The following RNF150 variants were observed in gnomAD, a reference collection of about 807,000 sequenced individuals.
The protein encoded by RNF150 is ring finger protein 150.
In RNF150, 24 loss-of-function variants were observed where a neutral mutation model predicts 39.3. The ratio of observed to expected loss-of-function variants is 0.61; its 90% CI spans 0.44 to 0.86. The LOEUF (loss-of-function observed/expected upper bound fraction) is 0.86. Ranked by LOEUF, RNF150 falls within the 40% of genes least tolerant of loss-of-function variation. The pLI, the probability that RNF150 is intolerant of heterozygous loss-of-function variation, is 0.00. For missense variants in RNF150, 502 were observed against 587.8 expected, an observed-to-expected ratio of 0.85 and a Z score of 1.51; for synonymous variants, 255 against 227.3, an observed-to-expected ratio of 1.12 and a Z score of -1.10.
chr4:140,991,375 C>T (rs966950971), intron 1 of RNF150, among the ~76,000 whole-genome samples: 1 of 151,944 alleles, frequency 6.6e-6, no homozygotes, highest in Non-Finnish European at 1.5e-5. Flanking sequence ...TCAATTTTTG[C>T]TTTTGTTGCA....
Position 140,997,716 on chromosome 4 carries a change from A to ATATACACACACACACG in RNF150, c.485-29844_485-29843insCGTGTGTGTGTGTATA, listed in dbSNP as rs1553935402. On this transcript the variant is annotated intron_variant, in intron 1 of 6. Coordinates refer to ENST00000515673, the MANE Select transcript of RNF150 (RefSeq NM_020724.2). The stretch of plus-strand genomic sequence containing the variant: ...TGTGTGTATATATACACACACATAT[A>ATATACACACACACACG]TGTGTGTATAAAAAGATACTAGCTG... Among the ~76,000 whole-genome samples, 371 of 151,592 alleles carry ATATACACACACACACG rather than the reference A, an allele frequency of 2.4e-3. 1 individual carries two copies. The highest frequency in any genetic ancestry group is 3.7e-3 in the Non-Finnish European group (254 of 67,794).
At chr4:141,168,050 A>G (rs1280863140) in intron 1 of RNF150, among the ~76,000 whole-genome samples, 1 of 152,234 alleles carries the variant, frequency 6.6e-6, no homozygotes, top group Non-Finnish European at 1.5e-5. Context: ...CCCATCTGAC[A>G]AAGGGCTAAT....
At chr4:141,174,400 A>G (rs1479258860) in intron 1 of RNF150, among the ~76,000 whole-genome samples, 2 of 152,158 alleles carry the variant, frequency 1.3e-5, no homozygotes, top group Non-Finnish European at 2.9e-5. Flanking sequence ...GGAGTGCCAT[A>G]CTAGCTCTGG....
At chr4:140,937,620 A>G (rs1731909420) in intron 4 of RNF150, among the ~76,000 whole-genome samples, 1 of 152,056 alleles carries the variant, frequency 6.6e-6, no homozygotes, top group South Asian at 2.1e-4. Context: ...TGAATGAGAA[A>G]GTAGAAGAAA....
intron 6 of RNF150, among the ~76,000 whole-genome samples, chr4:140,868,966 A>G (rs1413840032): frequency 6.6e-6 from 1 of 152,228 alleles, no homozygotes; most frequent in Non-Finnish European, 1.5e-5. Context: ...TAAAAAAGAC[A>G]AGATAATATT....
intron 5 of RNF150, among the ~76,000 whole-genome samples, chr4:140,923,826 A>G (rs1731265954): frequency 6.6e-6 from 1 of 152,214 alleles, no homozygotes; most frequent in South Asian, 2.1e-4. Context: ...TTGTAGGGAC[A>G]TGGATGAAGC....
intron 1 of RNF150, among the ~76,000 whole-genome samples, chr4:141,000,525 C>T (rs1031849587): frequency 2.0e-5 from 3 of 152,068 alleles, no homozygotes; most frequent in African/African-American, 7.2e-5. Flanking sequence ...CACCCAATTG[C>T]CATGCTGGTA....
chr4:140,918,342 A>AAAAATGAC (rs956357723), intron 5 of RNF150, among the ~76,000 whole-genome samples: 2 of 150,580 alleles, frequency 1.3e-5, no homozygotes, highest in African/African-American at 4.9e-5. Context: ...AGACGCAATA[A>AAAAATGAC]AAAGGGGATA....
chr4:141,184,802 T>C (rs1291557730), intron 1 of RNF150, among the ~76,000 whole-genome samples: 1 of 152,110 alleles, frequency 6.6e-6, no homozygotes, highest in Non-Finnish European at 1.5e-5. Flanking sequence ...TTGTCTAAGA[T>C]CAGATGGTTG....
At chr4:141,110,334 T>C (rs1243070561) in intron 1 of RNF150, among the ~76,000 whole-genome samples, 1 of 152,130 alleles carries the variant, frequency 6.6e-6, no homozygotes, top group Non-Finnish European at 1.5e-5. Context: ...TGAGAACTGC[T>C]CTTCTCTTTG....
intron 1 of RNF150, among the ~76,000 whole-genome samples, chr4:141,157,416 T>G (rs1727433670): frequency 6.6e-6 from 1 of 152,160 alleles, no homozygotes; most frequent in Non-Finnish European, 1.5e-5. Flanking sequence ...CAGCCACCAG[T>G]GATTCATAGT....
chr4:140,918,516 C>T lies in RNF150; in HGVS notation c.988-7162G>A, dbSNP rs183359529. ...GTTGAATCTCTGAATAGACCAATAACAGGCTCTGAAATTGTGGCAATAATC... is the reference window on the plus strand; with the variant it reads ...GTTGAATCTCTGAATAGACCAATAATAGGCTCTGAAATTGTGGCAATAATC... On this transcript the variant is annotated intron_variant, in intron 5 of 6. Transcript: ENST00000515673. 2.0e-3 allele frequency among the ~76,000 whole-genome samples: 306 copies of T among 152,250 alleles called. 1 individual carries two copies. The highest frequency in any genetic ancestry group is 6.7e-3 in the African/African-American group (279 of 41,546).
At chr4:140,912,183 G>A (rs887632380) in intron 5 of RNF150, among the ~76,000 whole-genome samples, 11 of 152,146 alleles carry the variant, frequency 7.2e-5, no homozygotes, top group African/African-American at 2.4e-4. Flanking sequence ...TGCTTTGCAA[G>A]TTTTACTCTT....
chr4:141,115,631 TA>T (rs1393265110), intron 1 of RNF150, among the ~76,000 whole-genome samples: 1 of 151,864 alleles, frequency 6.6e-6, no homozygotes, highest in East Asian at 1.9e-4. Context: ...AGAATTAAAA[TA>T]AAAAACTACT....
chr4:141,061,284 G>C (rs1737216708), intron 1 of RNF150, among the ~76,000 whole-genome samples: 1 of 152,030 alleles, frequency 6.6e-6, no homozygotes, highest in Non-Finnish European at 1.5e-5. Context: ...TTTTATGACT[G>C]CATGGAGGCT....
chr4:140,929,613 G>T (rs1339710020), intron 4 of RNF150, among the ~76,000 whole-genome samples: 2 of 151,908 alleles, frequency 1.3e-5, no homozygotes, highest in African/African-American at 4.8e-5. Flanking sequence ...TGATCCACTT[G>T]CCTCGGCCTC....
At chr4:141,052,575 T>C (rs1417458666) in intron 1 of RNF150, among the ~76,000 whole-genome samples, 5 of 152,016 alleles carry the variant, frequency 3.3e-5, no homozygotes, top group Non-Finnish European at 7.4e-5. Context: ...GGGGTTTCAC[T>C]ACGTTGGCCA....
At chr4:141,098,192 T>C (rs1264405999) in intron 1 of RNF150, among the ~76,000 whole-genome samples, 2 of 152,334 alleles carry the variant, frequency 1.3e-5, no homozygotes, top group Admixed American at 6.5e-5. Context: ...TTACTTTGGG[T>C]TCCTTCACAG....
intron 1 of RNF150, among the ~76,000 whole-genome samples, chr4:140,990,423 T>C (rs1734155074): frequency 6.6e-6 from 1 of 152,176 alleles, no homozygotes; most frequent in Non-Finnish European, 1.5e-5. Flanking sequence ...ACCATGGTGG[T>C]TTGCTGCACC....
Sources: allele counts gnomAD v4.1 joint callset (sites outside exome capture counted in the v4.1 genomes callset), GRCh38; gene constraint gnomAD v4.1.1; transcripts MANE v1.5; gene names NCBI Gene and HGNC (gene_info 2026-07-23, HGNC 2026-07-21).